The following SKAP1 variants were observed in gnomAD, a reference collection of about 807,000 sequenced individuals.
The protein encoded by SKAP1 is src kinase-associated phosphoprotein 1.
Under a neutral mutation model 58.5 loss-of-function variants are expected in SKAP1, and 44 were observed. The ratio of observed to expected loss-of-function variants is 0.75; its 90% CI spans 0.59 to 0.97. SKAP1 has a LOEUF of 0.97. SKAP1 is among the 50% of genes least tolerant of loss of function. The pLI is 0.00. For synonymous variants in SKAP1, 127 were observed against 149.7 expected (o/e 0.85, Z 1.11); for missense variants, 390 against 435.2 (o/e 0.90, Z 0.92).
chr17:48,405,411 TTCTTTC>T (rs2067560361), intron 1 of SKAP1, among the ~76,000 whole-genome samples: 1 of 73,850 alleles, frequency 1.4e-5, no homozygotes, highest in Non-Finnish European at 2.8e-5. Flanking sequence ...CTTTCTTTCT[TTCTTTC>T]TTTCTTTCTT....
chr17:48,376,992 C>T (rs554317118), intron 2 of SKAP1, among the ~76,000 whole-genome samples: 1 of 152,040 alleles, frequency 6.6e-6, no homozygotes, highest in Admixed American at 6.5e-5. Flanking sequence ...GGCAGAGGGG[C>T]CAGGTCCAGA....
chr17:48,142,344 C>T (rs1857331045), intron 11 of SKAP1, among the ~76,000 whole-genome samples: 1 of 152,102 alleles, frequency 6.6e-6, no homozygotes, highest in African/African-American at 2.4e-5. Context: ...TGCCTGTAAT[C>T]CCAGCTACTC....
rs560814442 is a variant in SKAP1 at position 48,191,817 on chromosome 17, T to C, written c.281-2317A>G. Among the ~76,000 whole-genome samples, 3 of 152,350 alleles carry C rather than the reference T, an allele frequency of 2.0e-5. No individual in the cohort carries two copies. The East Asian group carries it at 5.8e-4, about 29-fold the overall frequency. The stretch of plus-strand genomic sequence containing the variant: ...CAGTTAGCAAACTATGTGGTTGCCA[T>C]AAATCCTTTTAATCAATCTCAGGGT... On this transcript the variant is annotated intron_variant, in intron 4 of 12. Transcript: ENST00000336915.
intron 11 of SKAP1, among the ~76,000 whole-genome samples, chr17:48,150,789 G>A (rs1165630486): frequency 6.6e-6 from 1 of 152,192 alleles, no homozygotes; most frequent in Non-Finnish European, 1.5e-5. Flanking sequence ...GGTATTTATA[G>A]GTGGAAAAAG....
the SKAP1 span, among the ~76,000 whole-genome samples, chr17:48,441,213 A>G: frequency 6.6e-6 from 1 of 152,240 alleles, no homozygotes; most frequent in South Asian, 2.1e-4. Flanking sequence ...GCTGGTCCAT[A>G]AGATTCCCCT....
intron 4 of SKAP1, among the ~76,000 whole-genome samples, chr17:48,256,860 A>G (rs2065428842): frequency 6.6e-6 from 1 of 152,114 alleles, no homozygotes; most frequent in South Asian, 2.1e-4. Flanking sequence ...ATACATCTCA[A>G]TATGGAGGGG....
chr17:48,421,569 T>C (rs2067794182), intron 1 of SKAP1, among the ~76,000 whole-genome samples: 1 of 152,144 alleles, frequency 6.6e-6, no homozygotes, highest in Admixed American at 6.5e-5. Flanking sequence ...CCTCCCGAAG[T>C]GCTGGGATTA....
At chr17:48,319,033 A>C (rs1328229755) in intron 4 of SKAP1, among the ~76,000 whole-genome samples, 3 of 152,238 alleles carry the variant, frequency 2.0e-5, no homozygotes, top group Non-Finnish European at 4.4e-5. Flanking sequence ...ATAACTTTTG[A>C]ATACATGAGG....
At chr17:48,362,591 G>A (rs964727878) in intron 3 of SKAP1, among the ~76,000 whole-genome samples, 1 of 152,244 alleles carries the variant, frequency 6.6e-6, no homozygotes, top group Non-Finnish European at 1.5e-5. Flanking sequence ...CTTTAGGACA[G>A]TGAGATATGT....
chr17:48,168,190 G>A (rs2064164052), intron 10 of SKAP1, among the ~76,000 whole-genome samples: 1 of 152,102 alleles, frequency 6.6e-6, no homozygotes, highest in African/African-American at 2.4e-5. Flanking sequence ...CAGAATGTTA[G>A]CAATTCCATC....
At chr17:48,231,614 T>C (rs1024932823) in intron 4 of SKAP1, among the ~76,000 whole-genome samples, 2 of 151,962 alleles carry the variant, frequency 1.3e-5, no homozygotes, top group Admixed American at 1.3e-4. Flanking sequence ...TGAAGGGTTG[T>C]CCCATAGAAA....
chr17:48,159,142 G>A (rs1255098058), intron 11 of SKAP1, among the ~76,000 whole-genome samples: 1 of 152,150 alleles, frequency 6.6e-6, no homozygotes, highest in Non-Finnish European at 1.5e-5. Flanking sequence ...GAAACCAGAT[G>A]TATTTATGAG....
Position 48,187,893 on chromosome 17 carries a change from C to T in SKAP1, c.392G>A (p.Arg131Gln), listed in dbSNP as rs1482971217. ...GAGACCTCTGCTGACAACACACCAT[C>T]GCTTCTGCCACTCCGATCCAAAGAA... ...HSFFGSEWQK[R>Q]WCVVSRGLFY... is the part of the protein sequence containing the mutation. Residue 131 changes from arginine (R) to glutamine (Q), a missense_variant, in exon 6 of 13, where the codon CGA becomes CAA. Arg to Gln is a conservative substitution (Grantham distance 43, BLOSUM62 1). Coordinates refer to ENST00000336915, the MANE Select transcript of SKAP1 (RefSeq NM_003726.4). The T allele has an allele frequency of 1.9e-6, 3 of 1,613,910 alleles. No individual in the cohort carries two copies. The highest frequency in any genetic ancestry group is 2.5e-6 in the Non-Finnish European group (3 of 1,179,934).
At chr17:48,366,533 A>AT (rs1357414058) in intron 2 of SKAP1, among the ~76,000 whole-genome samples, 1 of 152,200 alleles carries the variant, frequency 6.6e-6, no homozygotes, top group African/African-American at 2.4e-5. Flanking sequence ...AGGAGTGTCC[A>AT]TATCAATGCA....
chr17:48,228,842 C>T (rs1364437701), intron 4 of SKAP1, among the ~76,000 whole-genome samples: 1 of 152,158 alleles, frequency 6.6e-6, no homozygotes, highest in Admixed American at 6.5e-5. Flanking sequence ...GAACTAGGCA[C>T]CACAGAGCTG....
chr17:48,230,856 C>T (rs139614561), intron 4 of SKAP1, among the ~76,000 whole-genome samples: 1 of 152,192 alleles, frequency 6.6e-6, no homozygotes, highest in Non-Finnish European at 1.5e-5. Context: ...AGAATAGAGG[C>T]ATAATGACAT....
chr17:48,208,344 G>A (rs1214229832), intron 4 of SKAP1, among the ~76,000 whole-genome samples: 1 of 152,156 alleles, frequency 6.6e-6, no homozygotes, highest in Admixed American at 6.5e-5. Context: ...CCGGGGAAAG[G>A]GATGAAGGAT....
Position 48,357,332 on chromosome 17 carries a change from T to TA in SKAP1, c.178+6456dup, listed in dbSNP as rs769844849. ...AAAGGAAAAAAGTGAGTCTTTTTGTTAAAAAAAAAATCTTTTGGCCGGGTG... is the reference window on the plus strand; with the variant it reads ...AAAGGAAAAAAGTGAGTCTTTTTGTTAAAAAAAAAAATCTTTTGGCCGGGTG... On this transcript the variant is annotated intron_variant, in intron 3 of 12. Coordinates refer to ENST00000336915, the MANE Select transcript of SKAP1 (RefSeq NM_003726.4). Among the ~76,000 whole-genome samples the TA allele has an allele frequency of 2.7e-3, 409 of 150,420 alleles. 4 individuals are homozygous for TA. The East Asian group carries it at 0.038, about 14-fold the overall frequency.
At chr17:48,290,675 G>A (rs1488255930) in intron 4 of SKAP1, among the ~76,000 whole-genome samples, 3 of 152,118 alleles carry the variant, frequency 2.0e-5, no homozygotes, top group African/African-American at 7.2e-5. Flanking sequence ...CTATGTGAAG[G>A]CAGGGTTTTC....
Sources: gnomAD v4.1 joint callset for allele counts (sites outside exome capture counted in the v4.1 genomes callset) on GRCh38, gnomAD v4.1.1 for gene constraint, MANE v1.5 for transcripts, NCBI Gene and HGNC (gene_info 2026-07-23, HGNC 2026-07-21) for gene names.